Variants in CLIC5 observed in about 807,000 individuals in gnomAD.
CLIC5 encodes chloride intracellular channel protein 5.
Under a neutral mutation model 24.7 loss-of-function variants are expected in CLIC5, and 20 were observed. The ratio of observed to expected loss-of-function variants is 0.81; its 90% CI spans 0.57 to 1.18. CLIC5 has a LOEUF of 1.18. Among genes scored for constraint, CLIC5 ranks in the 50% most tolerant of loss-of-function variants. CLIC5 has a pLI of 0.00. For missense variants in CLIC5, 341 were observed against 326.1 expected (o/e 1.05, Z -0.35); for synonymous variants, 159 against 135.6 (o/e 1.17, Z -1.20).
intron 1 of CLIC5, among the ~76,000 whole-genome samples, chr6:46,011,561 A>G (rs555794185): frequency 6.6e-6 from 1 of 152,234 alleles, no homozygotes; most frequent in East Asian, 1.9e-4. Context: ...AAGGCTGAGA[A>G]CCACTGGTTT....
chr6:45,892,759 T>G (rs190952975), intron 6 of CLIC5, among the ~76,000 whole-genome samples: 1 of 152,362 alleles, frequency 6.6e-6, no homozygotes, highest in Admixed American at 6.5e-5. Flanking sequence ...TTTCTTCATC[T>G]TTACGAGGTA....
intron 1 of CLIC5, among the ~76,000 whole-genome samples, chr6:45,956,348 C>T (rs557370481): frequency 6.6e-6 from 1 of 152,196 alleles, no homozygotes; most frequent in African/African-American, 2.4e-5. Flanking sequence ...GAAACCATGG[C>T]CCCCGCAGGT....
intron 1 of CLIC5, among the ~76,000 whole-genome samples, chr6:46,036,561 C>A (rs999586714): frequency 6.6e-6 from 1 of 152,170 alleles, no homozygotes; most frequent in African/African-American, 2.4e-5. Flanking sequence ...CCGCCTGCCT[C>A]GGCCTCCCAA....
At chr6:46,102,467 G>A in the CLIC5 span, 4 of 152,188 alleles carry the variant, frequency 2.6e-5, no homozygotes, top group Non-Finnish European at 5.9e-5. Context: ...AAAGGCAAAG[G>A]GAAAGTTAGA....
At chr6:45,990,691 T>A (rs1467540109) in intron 1 of CLIC5, among the ~76,000 whole-genome samples, 3 of 152,232 alleles carry the variant, frequency 2.0e-5, no homozygotes, top group Admixed American at 2.0e-4. Context: ...GTGCTCTTAA[T>A]CTAAATTTAG....
chr6:46,104,028 G>C, the CLIC5 span, among the ~76,000 whole-genome samples: 1 of 152,130 alleles, frequency 6.6e-6, no homozygotes, highest in Admixed American at 6.5e-5. Flanking sequence ...TCTTGGTGTA[G>C]TCAAGTACAA....
chr6:46,036,473 G>A (rs578214790), intron 1 of CLIC5, among the ~76,000 whole-genome samples: 15 of 151,828 alleles, frequency 9.9e-5, no homozygotes, highest in Non-Finnish European at 1.6e-4. Flanking sequence ...ACCACGCCCA[G>A]CTAATTTTTT....
intron 2 of CLIC5, 131 bp from the exon 3 acceptor site, chr6:45,949,512 A>G: frequency 9.7e-7 from 1 of 1,026,726 alleles, no homozygotes; most frequent in South Asian, 1.6e-5. Flanking sequence ...GATTTATGGT[A>G]TGCAGTATAG....
At chr6:45,942,499 G>T (rs1764168003) in intron 3 of CLIC5, among the ~76,000 whole-genome samples, 1 of 152,092 alleles carries the variant, frequency 6.6e-6, no homozygotes, top group Non-Finnish European at 1.5e-5. Context: ...GCATTTTATG[G>T]GTATGGCCAG....
At chr6:45,886,394 A>C (rs1185224205) in intron 6 of CLIC5, among the ~76,000 whole-genome samples, 1 of 152,200 alleles carries the variant, frequency 6.6e-6, no homozygotes, top group Non-Finnish European at 1.5e-5. Flanking sequence ...GGCAGGTCTC[A>C]TCCGCCTAAG....
At chr6:45,982,252 G>A (rs1765592727) in intron 1 of CLIC5, among the ~76,000 whole-genome samples, 2 of 152,062 alleles carry the variant, frequency 1.3e-5, no homozygotes, top group South Asian at 4.1e-4. Flanking sequence ...ATCAGTTTGG[G>A]TCACCTGGGG....
intron 1 of CLIC5, among the ~76,000 whole-genome samples, chr6:46,021,087 T>G (rs1340381262): frequency 1.1e-4 from 3 of 26,228 alleles, no homozygotes; most frequent in Non-Finnish European, 2.3e-4. Context: ...TTTTTACAAC[T>G]CAAAAAAAAA....
intron 1 of CLIC5, among the ~76,000 whole-genome samples, chr6:46,055,449 G>T (rs1768221380): frequency 6.6e-6 from 1 of 152,154 alleles, no homozygotes; most frequent in Admixed American, 6.5e-5. Context: ...TGTTGGCCAG[G>T]CTGGTGTGGA....
intron 6 of CLIC5, among the ~76,000 whole-genome samples, chr6:45,882,065 A>G (rs1359906509): frequency 6.6e-6 from 1 of 152,138 alleles, no homozygotes; most frequent in African/African-American, 2.4e-5. Flanking sequence ...GAAATGCCCC[A>G]TGGCCATCCA....
chr6:46,056,695 A>G (rs760049933), intron 1 of CLIC5, among the ~76,000 whole-genome samples: 8 of 152,172 alleles, frequency 5.3e-5, no homozygotes, highest in Non-Finnish European at 5.9e-5. Context: ...CTGGGATACC[A>G]CTATGCACAA....
chr6:46,001,167 G>A (rs528261401), intron 1 of CLIC5, among the ~76,000 whole-genome samples: 3 of 152,136 alleles, frequency 2.0e-5, no homozygotes, highest in African/African-American at 7.2e-5. Context: ...ACTGGGAGAG[G>A]AACCAGAAGA....
intron 1 of CLIC5, among the ~76,000 whole-genome samples, chr6:45,993,704 T>C (rs537956311): frequency 4.6e-4 from 70 of 152,312 alleles, no homozygotes; most frequent in Non-Finnish European, 6.9e-4. Context: ...CCTTTCCTTT[T>C]TAAATAAAAC....
chr6:46,119,196 G>C, the CLIC5 span, among the ~76,000 whole-genome samples: 1 of 152,206 alleles, frequency 6.6e-6, no homozygotes, highest in African/African-American at 2.4e-5. Flanking sequence ...GTTTGTGGTA[G>C]AGCAGTCATA....
At chr6:45,984,369 G>C (rs1056314107) in intron 1 of CLIC5, among the ~76,000 whole-genome samples, 1 of 152,148 alleles carries the variant, frequency 6.6e-6, no homozygotes, top group African/African-American at 2.4e-5. Flanking sequence ...CCATGTTGGG[G>C]TGGAAGGGAC....
Sources: allele counts gnomAD v4.1 joint callset (sites outside exome capture counted in the v4.1 genomes callset), GRCh38; gene constraint gnomAD v4.1.1; transcripts MANE v1.5; gene names NCBI Gene and HGNC (gene_info 2026-07-23, HGNC 2026-07-21).